The following PPP1R12A variants were observed in gnomAD, a reference collection of about 807,000 sequenced individuals.
PPP1R12A encodes the protein myosin binding subunit.
Under a neutral mutation model 139.6 loss-of-function variants are expected in PPP1R12A, and 19 were observed. The observed-to-expected ratio is 0.14, with a 90% CI of 0.09 to 0.20. PPP1R12A has a LOEUF of 0.20. PPP1R12A is among the 10% of genes least tolerant of loss of function. PPP1R12A has a pLI of 1.00. For missense variants in PPP1R12A, 925 were observed against 1,211.5 expected, an observed-to-expected ratio of 0.76 and a Z score of 3.51; for synonymous variants, 427 against 420.6, an observed-to-expected ratio of 1.02 and a Z score of -0.19.
chr12:79,881,029 A>C (rs1249070826), intron 1 of PPP1R12A, among the ~76,000 whole-genome samples: 1 of 152,108 alleles, frequency 6.6e-6, no homozygotes, highest in Non-Finnish European at 1.5e-5. Context: ...GGTGAACTTA[A>C]TTGATAAATG....
At chr12:79,916,402 G>C (rs1292960149) in intron 1 of PPP1R12A, among the ~76,000 whole-genome samples, 1 of 151,932 alleles carries the variant, frequency 6.6e-6, no homozygotes. Context: ...GATATTCATC[G>C]ACAAATGCTT....
intron 3 of PPP1R12A, among the ~76,000 whole-genome samples, chr12:79,842,801 T>C (rs1269228885): frequency 6.6e-6 from 1 of 152,132 alleles, no homozygotes; most frequent in East Asian, 1.9e-4. Flanking sequence ...ACACACGAGC[T>C]AAAGCGATCC....
At chr12:79,913,772 G>A (rs368917764) in intron 1 of PPP1R12A, 39 of 152,202 alleles carry the variant, frequency 2.6e-4, no homozygotes, top group African/African-American at 7.9e-4. Context: ...GATTGGTTTC[G>A]GAAGAACATC....
rs1405577817 is a variant in PPP1R12A at position 79,807,345 on chromosome 12, C to T, written c.1551-15G>A. 4 of 1,430,540 alleles carry T rather than the reference C, an allele frequency of 2.8e-6. No individual in the cohort carries two copies. The Admixed American group carries it at 6.0e-5, about 21-fold the overall frequency. 88.6% of individuals were successfully genotyped at this position (1,430,540 alleles called of 1,614,324 possible). On this transcript the variant is annotated splice_polypyrimidine_tract_variant and intron_variant, in intron 11 of 24. Coordinates refer to ENST00000450142, the MANE Select transcript of PPP1R12A (RefSeq NM_002480.3). ...TTGAAGAATCTCTGTTAAAAGAACA[C>T]CCTTCAGATTCTGGTACATAATTTT...
rs1353511710 is a variant in PPP1R12A, at chr12:79,790,375, A to C, written c.2666+92T>G. On this transcript the variant is annotated intron_variant, in intron 20 of 24. Coordinates refer to ENST00000450142, the MANE Select transcript of PPP1R12A (RefSeq NM_002480.3). ...GTTTTTTATTATCAAATAATTCTATAAACTTACAAAATCCATAAATTCCTA... is the reference window on the plus strand; with the variant it reads ...GTTTTTTATTATCAAATAATTCTATCAACTTACAAAATCCATAAATTCCTA... 1.1e-5 allele frequency: 10 copies of C among 933,944 alleles called. No individual in the cohort carries two copies. The African/African-American group carries it at 1.5e-4, about 14-fold the overall frequency. 57.9% of individuals were successfully genotyped at this position (933,944 alleles called of 1,614,324 possible). A position where few individuals can be genotyped will look rare whatever the true frequency, so the allele number is the denominator to read the frequency against.
chr12:79,850,068 T>A lies in PPP1R12A; in HGVS notation c.369-4648A>T, dbSNP rs192618241. Among the ~76,000 whole-genome samples, 135 of 152,140 alleles carry A rather than the reference T, an allele frequency of 8.9e-4. 3 individuals are homozygous for A. Among genetic ancestry groups the A allele is most frequent in the African/African-American group, 3.1e-3 (128 of 41,534 alleles). ...GTCCCAAACTCCTGGCATTATGCAATCCTCCCACCTTGGGATTACAGGTGT... is the reference window on the plus strand; with the variant it reads ...GTCCCAAACTCCTGGCATTATGCAAACCTCCCACCTTGGGATTACAGGTGT... On this transcript the variant is annotated intron_variant, in intron 2 of 24. Coordinates refer to ENST00000450142, the MANE Select transcript of PPP1R12A (RefSeq NM_002480.3).
At chr12:79,797,471 T>C in intron 15 of PPP1R12A, 76 bp from the exon 16 acceptor site, 2 of 1,339,306 alleles carry the variant, frequency 1.5e-6, no homozygotes, top group East Asian at 2.5e-5. Context: ...GAAATAGATA[T>C]ATTACATACA....
rs34658905 is a variant in PPP1R12A, at chr12:79,826,337, GTT to G, written c.792+1981_792+1982del. On this transcript the variant is annotated intron_variant, in intron 5 of 24. Coordinates refer to ENST00000450142, the MANE Select transcript of PPP1R12A (RefSeq NM_002480.3). ...TAAATATGAGGCACAATTGTTTCGG[GTT>G]TTTTTTTTTTTTTTTTTTTTGAGCA... 3.1e-3 allele frequency among the ~76,000 whole-genome samples: 369 copies of G among 117,168 alleles called. 1 individual carries two copies. The highest frequency in any genetic ancestry group is 0.011 in the African/African-American group (347 of 30,202). 76.9% of individuals were successfully genotyped at this position (117,168 alleles called of 152,430 possible).
intron 1 of PPP1R12A, among the ~76,000 whole-genome samples, chr12:79,894,059 A>G (rs944334802): frequency 5.3e-5 from 8 of 152,164 alleles, no homozygotes; most frequent in African/African-American, 1.7e-4. Context: ...TTTACCATCA[A>G]TGAAACCTAC....
chr12:79,922,683 C>T (rs191060169), intron 1 of PPP1R12A, among the ~76,000 whole-genome samples: 39 of 152,042 alleles, frequency 2.6e-4, no homozygotes, highest in African/African-American at 7.2e-4. Flanking sequence ...TGGGGCCTGT[C>T]GGGGGCTCAG....
intron 1 of PPP1R12A, among the ~76,000 whole-genome samples, chr12:79,919,752 C>G (rs1363528741): frequency 6.6e-6 from 1 of 152,156 alleles, no homozygotes; most frequent in Non-Finnish European, 1.5e-5. Flanking sequence ...TGTTCACCAT[C>G]ATAATTATAG....
chr12:79,913,846 T>C (rs1002703064), intron 1 of PPP1R12A: 1 of 152,182 alleles, frequency 6.6e-6, no homozygotes, highest in Non-Finnish European at 1.5e-5. Flanking sequence ...TTTAGCTCAG[T>C]GTTTCTCTTA....
Position 79,878,817 on chromosome 12 carries a change from G to T in PPP1R12A, c.238-5879C>A, listed in dbSNP as rs555638906. ...TGATTCATTCAATTACCTCCCACTG[G>T]GTCCCTCCCACAACACATGGGGATT... On this transcript the variant is annotated intron_variant, in intron 1 of 24. Coordinates refer to ENST00000450142, the MANE Select transcript of PPP1R12A (RefSeq NM_002480.3). Among the ~76,000 whole-genome samples, 4 of 152,064 alleles carry T rather than the reference G, an allele frequency of 2.6e-5. No individual in the cohort carries two copies. The East Asian group carries it at 7.8e-4, about 29-fold the overall frequency.
intron 23 of PPP1R12A, chr12:79,779,476 GT>G: frequency 4.2e-6 from 3 of 719,612 alleles, no homozygotes; most frequent in Non-Finnish European, 6.3e-6. Flanking sequence ...AAATGTTAAT[GT>G]TTTTAGGGTA....
At chr12:79,855,755 T>C (rs1361396255) in intron 2 of PPP1R12A, among the ~76,000 whole-genome samples, 1 of 151,806 alleles carries the variant, frequency 6.6e-6, no homozygotes, top group Non-Finnish European at 1.5e-5. Context: ...AGACTACAAA[T>C]AGCCTCCCAT....
intron 3 of PPP1R12A, among the ~76,000 whole-genome samples, chr12:79,840,481 G>A (rs1878579310): frequency 6.6e-6 from 1 of 152,034 alleles, no homozygotes; most frequent in African/African-American, 2.4e-5. Flanking sequence ...TCATCTAGAT[G>A]TCCTTTAGTA....
chr12:79,888,635 A>G (rs1374804733), intron 1 of PPP1R12A, among the ~76,000 whole-genome samples: 1 of 149,484 alleles, frequency 6.7e-6, no homozygotes, highest in Non-Finnish European at 1.5e-5. Context: ...TACAGAATCC[A>G]TGTCCTAAAT....
rs1338626979 is a variant in PPP1R12A at position 79,833,844 on chromosome 12, A to AG, written c.488-1354dup. ...GGAGTGAGACTTTGCCTCAAAGAAA[A>AG]GGAAAAAAAAAAAAAAAAAGCAAAG... On this transcript the variant is annotated intron_variant, in intron 3 of 24. Transcript: ENST00000450142. Among the ~76,000 whole-genome samples, 4 of 79,250 alleles carry AG rather than the reference A, an allele frequency of 5.0e-5. No individual in the cohort carries two copies. The Admixed American group carries it at 5.3e-4, about 11-fold the overall frequency. The allele number at this position is 79,250 out of a possible 152,430, so 52.0% of individuals were successfully genotyped here.
chr12:79,916,767 C>G (rs898063361), intron 1 of PPP1R12A, among the ~76,000 whole-genome samples: 2 of 152,134 alleles, frequency 1.3e-5, no homozygotes, highest in South Asian at 2.1e-4. Context: ...AAATACTGAA[C>G]CATCAACACC....
Sources: allele counts gnomAD v4.1 joint callset (sites outside exome capture counted in the v4.1 genomes callset), GRCh38; gene constraint gnomAD v4.1.1; transcripts MANE v1.5; gene names NCBI Gene and HGNC (gene_info 2026-07-23, HGNC 2026-07-21).